SLC8A1: variants seen among roughly 807,000 people sequenced by gnomAD.
The protein encoded by SLC8A1 is solute carrier family 8 member A1.
SLC8A1 carries 18 observed loss-of-function variants against 68.3 expected under a neutral mutation model. That is an observed-to-expected ratio of 0.26 (90% CI 0.18 to 0.39). The LOEUF (loss-of-function observed/expected upper bound fraction) is 0.39, where lower values mean the gene tolerates loss of function less well. Among genes scored for constraint, SLC8A1 ranks in the 10% least tolerant of loss-of-function variants. SLC8A1 has a pLI of 1.00. For synonymous variants in SLC8A1, 475 were observed against 415.5 expected, an observed-to-expected ratio of 1.14 and a Z score of -1.74; for missense variants, 985 against 1,156.7, an observed-to-expected ratio of 0.85 and a Z score of 2.15.
chr2:40,397,429 C>T (rs1250572513), intron 2 of SLC8A1, among the ~76,000 whole-genome samples: 1 of 152,164 alleles, frequency 6.6e-6, no homozygotes, highest in East Asian at 1.9e-4. Flanking sequence ...TTCCATTGCT[C>T]ACAGTGAGGA....
chr2:40,300,413 T>C (rs2071233804), intron 2 of SLC8A1, among the ~76,000 whole-genome samples: 2 of 152,030 alleles, frequency 1.3e-5, no homozygotes, highest in Non-Finnish European at 2.9e-5. Context: ...CTTTAGAAGT[T>C]CGAGTGTTTA....
At chr2:40,347,306 C>T (rs1348503597) in intron 2 of SLC8A1, among the ~76,000 whole-genome samples, 1 of 152,204 alleles carries the variant, frequency 6.6e-6, no homozygotes, top group Non-Finnish European at 1.5e-5. Context: ...GGGCCCCTTG[C>T]TTCTTCTAAA....
intron 2 of SLC8A1, among the ~76,000 whole-genome samples, chr2:40,372,698 G>A (rs1393569099): frequency 6.6e-6 from 1 of 152,010 alleles, no homozygotes; most frequent in East Asian, 1.9e-4. Flanking sequence ...TTCTTTCTAT[G>A]TTGAAGACAC....
Position 40,479,067 on chromosome 2 carries a change from C to T in SLC8A1, c.-25+33282G>A, listed in dbSNP as rs367918821. ...GATTACAGGCGTGAGCCACCACGCC[C>T]GGCCTCAACCACCTAATTTTAAACT... On this transcript the variant is annotated intron_variant, in intron 1 of 7. Transcript: ENST00000402441. Among the ~76,000 whole-genome samples, 13 of 152,238 alleles carry T rather than the reference C, an allele frequency of 8.5e-5. No individual in the cohort carries two copies. In the South Asian group the frequency reaches 2.5e-3, roughly 29 times the overall value.
At chr2:40,384,755 T>C (rs1683028247) in intron 2 of SLC8A1, among the ~76,000 whole-genome samples, 1 of 152,142 alleles carries the variant, frequency 6.6e-6, no homozygotes, top group Non-Finnish European at 1.5e-5. Context: ...AAAAACCTAA[T>C]TTCTCATTAC....
At chr2:40,482,586 G>A (rs998007891) in intron 1 of SLC8A1, among the ~76,000 whole-genome samples, 4 of 151,910 alleles carry the variant, frequency 2.6e-5, no homozygotes, top group African/African-American at 7.3e-5. Context: ...ATGAAGAAAC[G>A]AAGGAATGGA....
At chr2:40,479,063 C>T (rs983042649) in intron 1 of SLC8A1, among the ~76,000 whole-genome samples, 4 of 152,280 alleles carry the variant, frequency 2.6e-5, no homozygotes, top group South Asian at 4.1e-4. Flanking sequence ...TGAGCCACCA[C>T]GCCCGGCCTC....
chr2:40,391,990 G>T (rs562507298), intron 2 of SLC8A1, among the ~76,000 whole-genome samples: 2 of 151,736 alleles, frequency 1.3e-5, no homozygotes, highest in African/African-American at 2.4e-5. Flanking sequence ...TTCTCATTCA[G>T]TCCTTAAGTG....
chr2:40,373,150 A>C (rs1678699416), intron 2 of SLC8A1, among the ~76,000 whole-genome samples: 1 of 132,984 alleles, frequency 7.5e-6, no homozygotes, highest in Non-Finnish European at 1.6e-5. Context: ...GTCTCTTTAA[A>C]AGGCTATTCT....
At chr2:40,204,478 G>T (rs1397061056) in intron 2 of SLC8A1, among the ~76,000 whole-genome samples, 1 of 151,944 alleles carries the variant, frequency 6.6e-6, no homozygotes, top group African/African-American at 2.4e-5. Context: ...TTAGCTGAAA[G>T]AAAAACAACC....
chr2:40,215,643 CAAAAAAAAAAAAAAA>C (rs56191722), intron 2 of SLC8A1, among the ~76,000 whole-genome samples: 2 of 69,926 alleles, frequency 2.9e-5, no homozygotes, highest in African/African-American at 5.7e-5. Flanking sequence ...GACTCCGTCT[CAAAAAAAAAAAAAAA>C]AAAAAAAAAA....
chr2:40,288,686 C>G (rs1183039208), intron 2 of SLC8A1, among the ~76,000 whole-genome samples: 1 of 151,912 alleles, frequency 6.6e-6, no homozygotes, highest in African/African-American at 2.4e-5. Flanking sequence ...TGGGTATAGG[C>G]AAGTGCTACA....
intron 2 of SLC8A1, among the ~76,000 whole-genome samples, chr2:40,271,263 T>A (rs541252290): frequency 6.8e-6 from 1 of 147,504 alleles, no homozygotes; most frequent in Admixed American, 6.8e-5. Context: ...CCCCTCCCAC[T>A]CCTCTCCCAG....
At chr2:40,366,400 A>T (rs549230875) in intron 2 of SLC8A1, among the ~76,000 whole-genome samples, 2 of 152,094 alleles carry the variant, frequency 1.3e-5, no homozygotes, top group Non-Finnish European at 2.9e-5. Context: ...CACCAGAAAA[A>T]TAAGAATATA....
At chr2:40,247,313 C>T (rs923654502) in intron 2 of SLC8A1, among the ~76,000 whole-genome samples, 1 of 152,164 alleles carries the variant, frequency 6.6e-6, no homozygotes. Context: ...AACAGCCAGG[C>T]TCTAGGTTAA....
At chr2:40,343,217 T>G (rs920745193) in intron 2 of SLC8A1, among the ~76,000 whole-genome samples, 4 of 152,168 alleles carry the variant, frequency 2.6e-5, no homozygotes, top group African/African-American at 9.7e-5. Flanking sequence ...GAATACCTCT[T>G]TTAAACTCTG....
At chr2:40,282,487 C>T (rs115808504) in intron 2 of SLC8A1, among the ~76,000 whole-genome samples, 1,773 of 152,196 alleles carry the variant, frequency 0.012, 34 homozygotes, top group African/African-American at 0.04. Flanking sequence ...CATTTGTTTA[C>T]GCACTCAGGC....
intron 2 of SLC8A1, among the ~76,000 whole-genome samples, chr2:40,345,301 T>C (rs901448004): frequency 6.6e-6 from 1 of 152,182 alleles, no homozygotes; most frequent in African/African-American, 2.4e-5. Flanking sequence ...TATTTAGTAA[T>C]AAACATGCTA....
At chr2:40,237,833 C>T (rs2060608990) in intron 2 of SLC8A1, among the ~76,000 whole-genome samples, 1 of 152,144 alleles carries the variant, frequency 6.6e-6, no homozygotes, top group Non-Finnish European at 1.5e-5. Flanking sequence ...AGACAGGACC[C>T]TCAGCTGCAG....
Sources: gnomAD v4.1 joint callset for allele counts (sites outside exome capture counted in the v4.1 genomes callset) on GRCh38, gnomAD v4.1.1 for gene constraint, MANE v1.5 for transcripts, NCBI Gene and HGNC (gene_info 2026-07-23, HGNC 2026-07-21) for gene names.